The following CADM2 variants were observed in gnomAD, a reference collection of about 807,000 sequenced individuals.
CADM2 encodes the protein cell adhesion molecule 2.
Under a neutral mutation model 49.8 loss-of-function variants are expected in CADM2, and 12 were observed. That is an observed-to-expected ratio of 0.24 (90% CI 0.15 to 0.39). The LOEUF is 0.39. CADM2 is among the 10% of genes least tolerant of loss of function. The pLI is 1.00. For synonymous variants in CADM2, 214 were observed against 175.4 expected (o/e 1.22, Z -1.74); for missense variants, 378 against 492.3 (o/e 0.77, Z 2.20).
rs914515750 is a variant in CADM2 at position 85,269,479 on chromosome 3, G to A, written c.61+309811G>A. On this transcript the variant is annotated intron_variant, in intron 1 of 9. Transcript: ENST00000383699. ...ATGAAGACTTAATACTCCAATAAAT[G>A]TATTAACATAAATCTGAGTATCTGT... Among the ~76,000 whole-genome samples, 3 of 151,376 alleles carry A rather than the reference G, an allele frequency of 2.0e-5. No individual in the cohort carries two copies. In the East Asian group the frequency reaches 5.8e-4, roughly 29 times the overall value.
chr3:85,894,306 T>C (rs1171336346), intron 5 of CADM2, among the ~76,000 whole-genome samples: 1 of 151,958 alleles, frequency 6.6e-6, no homozygotes, highest in Admixed American at 6.6e-5. Context: ...ATGAGAACAC[T>C]TGGACACAGG....
intron 1 of CADM2, among the ~76,000 whole-genome samples, chr3:85,660,014 A>G (rs1210681201): frequency 6.6e-6 from 1 of 152,132 alleles, no homozygotes; most frequent in Non-Finnish European, 1.5e-5. Flanking sequence ...AAACCTAAGA[A>G]TTCACAAATT....
chr3:85,410,811 TATA>T (rs1222055526), intron 1 of CADM2, among the ~76,000 whole-genome samples: 1 of 152,142 alleles, frequency 6.6e-6, no homozygotes, highest in Admixed American at 6.5e-5. Context: ...GCAGGAGAAT[TATA>T]ATGATTCTGC....
At chr3:86,013,110 A>G in intron 8 of CADM2, 2 of 1,349,678 alleles carry the variant, frequency 1.5e-6, no homozygotes, top group South Asian at 1.2e-5. Flanking sequence ...ATTTGATCTT[A>G]CAGTCATTTG....
intron 1 of CADM2, among the ~76,000 whole-genome samples, chr3:85,450,534 A>G (rs1166402815): frequency 6.6e-6 from 1 of 152,048 alleles, no homozygotes; most frequent in Non-Finnish European, 1.5e-5. Flanking sequence ...AAATGCAATA[A>G]AAAGTACAAT....
chr3:85,525,542 A>G (rs1442846620), intron 1 of CADM2, among the ~76,000 whole-genome samples: 3 of 152,064 alleles, frequency 2.0e-5, no homozygotes, highest in Non-Finnish European at 4.4e-5. Flanking sequence ...TATAGTTGAA[A>G]TATGTTCCTT....
intron 1 of CADM2, among the ~76,000 whole-genome samples, chr3:85,685,628 T>G (rs1366361103): frequency 1.4e-5 from 2 of 147,138 alleles, no homozygotes; most frequent in Non-Finnish European, 3.0e-5. Context: ...TTTTTTTTTT[T>G]TTTTTTTGTT....
intron 8 of CADM2, chr3:86,012,448 G>C (rs1317334637): frequency 4.0e-6 from 2 of 496,086 alleles, no homozygotes; most frequent in South Asian, 3.7e-5. Context: ...TCGCCCGCGC[G>C]CCGGCCCTGC....
chr3:85,976,956 A>C (rs1258259950), intron 8 of CADM2, among the ~76,000 whole-genome samples: 1 of 151,464 alleles, frequency 6.6e-6, no homozygotes, highest in Non-Finnish European at 1.5e-5. Context: ...TGTATGCTTA[A>C]TGCGTTTTTA....
At chr3:84,980,756 G>C (rs1346947785) in intron 1 of CADM2, among the ~76,000 whole-genome samples, 1 of 152,086 alleles carries the variant, frequency 6.6e-6, no homozygotes, top group African/African-American at 2.4e-5. Context: ...TTAGAAATGA[G>C]AATTGTGATA....
chr3:85,476,807 A>G (rs1015933496), intron 1 of CADM2, among the ~76,000 whole-genome samples: 2 of 151,766 alleles, frequency 1.3e-5, no homozygotes, highest in Non-Finnish European at 2.9e-5. Flanking sequence ...AGTTTTATCT[A>G]TGTGTCATTA....
At chr3:85,618,497 T>C (rs1174884031) in intron 1 of CADM2, among the ~76,000 whole-genome samples, 1 of 152,132 alleles carries the variant, frequency 6.6e-6, no homozygotes, top group Non-Finnish European at 1.5e-5. Flanking sequence ...TCTTCTTTGA[T>C]TCTGTTTCTT....
At chr3:85,081,375 T>C (rs2037159462) in intron 1 of CADM2, among the ~76,000 whole-genome samples, 2 of 152,294 alleles carry the variant, frequency 1.3e-5, no homozygotes. Flanking sequence ...GCATATGACT[T>C]GGTAGAGACA....
intron 6 of CADM2, among the ~76,000 whole-genome samples, chr3:85,932,956 A>G (rs1227209569): frequency 5.3e-5 from 8 of 152,120 alleles, no homozygotes; most frequent in Non-Finnish European, 7.3e-5. Context: ...TCTGTGTGTC[A>G]GATCTAAAGG....
intron 1 of CADM2, among the ~76,000 whole-genome samples, chr3:85,410,432 G>T (rs2035602350): frequency 6.6e-6 from 1 of 151,984 alleles, no homozygotes; most frequent in Non-Finnish European, 1.5e-5. Context: ...TATATTACGT[G>T]CTGATTTTTC....
intron 1 of CADM2, among the ~76,000 whole-genome samples, chr3:85,121,938 A>G (rs561493753): frequency 1.3e-5 from 2 of 152,096 alleles, no homozygotes; most frequent in African/African-American, 4.8e-5. Flanking sequence ...TATCTTCGCT[A>G]TCTTATCTCA....
At chr3:85,317,803 A>G (rs1674844932) in intron 1 of CADM2, among the ~76,000 whole-genome samples, 1 of 152,224 alleles carries the variant, frequency 6.6e-6, no homozygotes, top group Non-Finnish European at 1.5e-5. Context: ...TATTCATGCT[A>G]TAGCAGTAGC....
At chr3:85,250,903 C>G (rs1312083843) in intron 1 of CADM2, among the ~76,000 whole-genome samples, 1 of 151,530 alleles carries the variant, frequency 6.6e-6, no homozygotes, top group Non-Finnish European at 1.5e-5. Context: ...GAACAATTTC[C>G]TCTGTTACAA....
intron 6 of CADM2, among the ~76,000 whole-genome samples, chr3:85,914,340 C>A (rs1718008174): frequency 6.6e-6 from 1 of 151,988 alleles, no homozygotes; most frequent in Admixed American, 6.6e-5. Context: ...TGATGATAGG[C>A]TAGAGAATTA....
Sources: gnomAD v4.1 joint callset for allele counts (sites outside exome capture counted in the v4.1 genomes callset) on GRCh38, gnomAD v4.1.1 for gene constraint, MANE v1.5 for transcripts, NCBI Gene and HGNC (gene_info 2026-07-23, HGNC 2026-07-21) for gene names.